The following MAPK9 variants were observed in gnomAD, a reference collection of about 807,000 sequenced individuals.
MAPK9 encodes the protein Jun kinase.
A neutral mutation model predicts 57.1 loss-of-function variants in MAPK9; 30 were observed. The observed-to-expected ratio is 0.53, with a 90% CI of 0.39 to 0.71. The LOEUF is 0.71. Among genes scored for constraint, MAPK9 ranks in the 30% least tolerant of loss-of-function variants. The probability of loss-of-function intolerance (pLI) is 0.00; values close to 1 mark genes in which losing one functional copy is unlikely to be tolerated. For synonymous variants in MAPK9, 155 were observed against 177.0 expected, an observed-to-expected ratio of 0.88 and a Z score of 0.99; for missense variants, 362 against 521.0, an observed-to-expected ratio of 0.69 and a Z score of 2.97.
At chr5:180,276,816 T>G (rs1218130374) in intron 2 of MAPK9, among the ~76,000 whole-genome samples, 1 of 152,212 alleles carries the variant, frequency 6.6e-6, no homozygotes, top group Non-Finnish European at 1.5e-5. Context: ...ATCACGCCAC[T>G]GCACTCCACC....
At position 180,249,180 on chromosome 5, in the gene MAPK9, T is replaced by C. The variant is rs774983219; in HGVS notation, c.451-42A>G. 8 of 1,569,740 alleles carry C rather than the reference T, an allele frequency of 5.1e-6. No individual in the cohort carries two copies. The South Asian group carries it at 9.3e-5, about 18-fold the overall frequency. On this transcript the variant is annotated intron_variant, in intron 5 of 11. Transcript: ENST00000452135. ...TTAAATTAGTAAAATGAATGAAGCA[T>C]GCTAAATAAACTACTTCACATCCGT...
chr5:180,285,334 C>G (rs1207354146), intron 1 of MAPK9, among the ~76,000 whole-genome samples: 1 of 152,208 alleles, frequency 6.6e-6, no homozygotes, highest in Non-Finnish European at 1.5e-5. Context: ...AAGCACCATT[C>G]TGATATCCCT....
chr5:180,277,162 G>C (rs1761895487), intron 2 of MAPK9, among the ~76,000 whole-genome samples: 1 of 152,192 alleles, frequency 6.6e-6, no homozygotes, highest in Non-Finnish European at 1.5e-5. Context: ...AAATACACAT[G>C]CTTGTGAATT....
At chr5:180,279,757 C>A (rs145057565) in intron 2 of MAPK9, 24 of 442,582 alleles carry the variant, frequency 5.4e-5, no homozygotes, top group Non-Finnish European at 9.7e-5. Context: ...GTGGGAAGTG[C>A]TGATAGCTGC....
intron 6 of MAPK9, among the ~76,000 whole-genome samples, chr5:180,248,358 A>G (rs540399923): frequency 6.6e-6 from 1 of 152,386 alleles, no homozygotes; most frequent in South Asian, 2.1e-4. Context: ...ATGAACCTGT[A>G]GCAAAACTCA....
At chr5:180,262,026 A>C (rs1030678360) in intron 4 of MAPK9, among the ~76,000 whole-genome samples, 1 of 152,118 alleles carries the variant, frequency 6.6e-6, no homozygotes, top group Non-Finnish European at 1.5e-5. Flanking sequence ...TAAAAAAAAA[A>C]ACAACAACCT....
chr5:180,259,686 T>A (rs1759711599), intron 5 of MAPK9, among the ~76,000 whole-genome samples: 1 of 151,014 alleles, frequency 6.6e-6, no homozygotes. Flanking sequence ...ACATGAAAAA[T>A]CTCATACTGG....
At chr5:180,277,705 T>G (rs906990124) in intron 2 of MAPK9, among the ~76,000 whole-genome samples, 4 of 152,216 alleles carry the variant, frequency 2.6e-5, no homozygotes, top group African/African-American at 9.6e-5. Flanking sequence ...ATGCCAATAT[T>G]TTAATACGAA....
chr5:180,273,875 A>T (rs777572474), intron 2 of MAPK9, among the ~76,000 whole-genome samples: 2 of 152,166 alleles, frequency 1.3e-5, no homozygotes, highest in Non-Finnish European at 2.9e-5. Flanking sequence ...GTTTTATGGT[A>T]AGTCTTCACA....
intron 9 of MAPK9, 135 bp from the exon 10 acceptor site, chr5:180,240,122 T>C: frequency 1.5e-6 from 1 of 650,458 alleles, no homozygotes; most frequent in Non-Finnish European, 2.7e-6. Context: ...CGTGGTTTAA[T>C]AAAGATTTGT....
At chr5:180,286,294 C>T (rs1267541378) in intron 1 of MAPK9, among the ~76,000 whole-genome samples, 2 of 149,094 alleles carry the variant, frequency 1.3e-5, no homozygotes, top group African/African-American at 4.9e-5. Context: ...TACAGGCGCC[C>T]GCCAGCACAC....
Position 180,234,144 on chromosome 5 carries a change from T to C in MAPK9, c.*2240A>G, listed in dbSNP as rs1405494020. 1 of 152,330 alleles carries C rather than the reference T, an allele frequency of 6.6e-6. No individual in the cohort carries two copies. The highest frequency in any genetic ancestry group is 2.1e-4 in the South Asian group (1 of 4,824). The allele number at this position is 152,330 out of a possible 1,614,324, so 9.4% of individuals were successfully genotyped here. On this transcript the variant is annotated 3_prime_UTR_variant, in exon 12 of 12. Transcript: ENST00000452135. ...ATTACCTGGTTTATAAAAATACATG[T>C]CCAAAATAGTTACTTCCTGGGTTGT...
At chr5:180,278,578 T>C (rs1581293413) in intron 2 of MAPK9, among the ~76,000 whole-genome samples, 2 of 152,146 alleles carry the variant, frequency 1.3e-5, no homozygotes, top group East Asian at 1.9e-4. Context: ...CGTGCGCCTG[T>C]AGTCCCAGCT....
intron 8 of MAPK9, among the ~76,000 whole-genome samples, chr5:180,242,253 G>A (rs545927743): frequency 4.6e-5 from 7 of 152,302 alleles, no homozygotes; most frequent in South Asian, 4.1e-4. Context: ...CTGTCACATC[G>A]CTTCTGACTC....
At chr5:180,249,437 A>G (rs1221116713) in intron 5 of MAPK9, among the ~76,000 whole-genome samples, 3 of 152,146 alleles carry the variant, frequency 2.0e-5, no homozygotes, top group African/African-American at 7.2e-5. Flanking sequence ...CTACACGTCC[A>G]GCACACATGC....
chr5:180,239,757 G>C (rs886640527), intron 10 of MAPK9, among the ~76,000 whole-genome samples, 167 bp downstream of exon 10: 2 of 152,146 alleles, frequency 1.3e-5, no homozygotes, highest in Admixed American at 1.3e-4. Context: ...CTCTAACTCT[G>C]TTCTCTTCAA....
chr5:180,274,962 A>T (rs1761681440), intron 2 of MAPK9, among the ~76,000 whole-genome samples: 2 of 152,096 alleles, frequency 1.3e-5, no homozygotes, highest in Admixed American at 1.3e-4. Flanking sequence ...TCATAATTCA[A>T]TTACTATAGT....
chr5:180,268,888 C>T (rs1185104422), intron 3 of MAPK9, among the ~76,000 whole-genome samples: 1 of 151,666 alleles, frequency 6.6e-6, no homozygotes, highest in Non-Finnish European at 1.5e-5. Context: ...GCCTGTAATC[C>T]CAGCACTTTG....
chr5:180,239,903 C>CA (rs1336623128), intron 10 of MAPK9, 21 bp downstream of exon 10: 1 of 1,605,092 alleles, frequency 6.2e-7, no homozygotes. Context: ...AAGGAAGGAT[C>CA]AAAATAAGCT....
Sources: gnomAD v4.1 joint callset for allele counts (sites outside exome capture counted in the v4.1 genomes callset) on GRCh38, gnomAD v4.1.1 for gene constraint, MANE v1.5 for transcripts, NCBI Gene and HGNC (gene_info 2026-07-23, HGNC 2026-07-21) for gene names.